DNAH1: variants seen among roughly 807,000 people sequenced by gnomAD.
The protein encoded by DNAH1 is axonemal beta dynein heavy chain 1.
A neutral mutation model predicts 484.3 loss-of-function variants in DNAH1; 327 were observed. The observed-to-expected ratio is 0.68, with a 90% CI of 0.62 to 0.74. The LOEUF is 0.74. Ranked by LOEUF, DNAH1 falls within the 30% of genes least tolerant of loss-of-function variation. DNAH1 has a pLI of 0.00. For missense variants in DNAH1, 5,052 were observed against 5,546.8 expected, an observed-to-expected ratio of 0.91 and a Z score of 2.83; for synonymous variants, 2,192 against 2,191.9, an observed-to-expected ratio of 1.00 and a Z score of 0.00.
intron 15 of DNAH1, 117 bp downstream of exon 15, chr3:52,350,225 T>A: frequency 7.0e-7 from 1 of 1,437,266 alleles, no homozygotes. Context: ...GGTAAGGTAG[T>A]TGGACAGAGG....
At chr3:52,378,845 C>A in intron 47 of DNAH1, 65 bp downstream of exon 47, 1 of 1,585,918 alleles carries the variant, frequency 6.3e-7, no homozygotes, top group Non-Finnish European at 8.6e-7. Flanking sequence ...CCAGCCCCAC[C>A]AATTTCAGGC....
Position 52,394,475 on chromosome 3 carries a change from G to T in DNAH1, c.10637G>T (p.Arg3546Leu), listed in dbSNP as rs201932960. The change falls in exon 67 of 78, where the codon CGA becomes CTA. Residue 3546 changes from arginine (R) to leucine (L), a missense_variant. Physicochemically the swap from Arg to Leu is moderately radical, Grantham distance 102 (BLOSUM62 -2). This residue lies in a region of DNAH1 where 2,929 missense variants were observed against 3,409.4 expected (regional missense o/e 0.86). Coordinates refer to ENST00000420323, the MANE Select transcript of DNAH1 (RefSeq NM_015512.5). The stretch of plus-strand genomic sequence containing the variant: ...CCTGTCCCCTGCCAGAGTGAGTGGC[G>T]ATACCTCCTGTCTGGGGGCTCCATC... ...NEGKINQSEW[R>L]YLLSGGSISI... is the part of the protein sequence containing the mutation. 1 of 1,613,946 alleles carries T rather than the reference G, an allele frequency of 6.2e-7. No homozygotes were observed. The highest frequency in any genetic ancestry group is 2.2e-5 in the East Asian group (1 of 44,890).
Position 52,389,530 on chromosome 3 carries a change from TC to T in DNAH1, c.9567del (p.Glu3190SerfsTer4), listed in dbSNP as rs755052606. On this transcript the variant is annotated frameshift_variant, in exon 60 of 78. Coordinates refer to ENST00000420323, the MANE Select transcript of DNAH1 (RefSeq NM_015512.5). LOFTEE classifies it high-confidence loss of function. ...QLRSHNVPHT[S>X]EPTLIGTLGN... ...CAGGAGCCACAATGTCCCACACACCTCCGAGCCCACGCTAATCGGGACGCTG... is the reference window on the plus strand; with the variant it reads ...CAGGAGCCACAATGTCCCACACACCTCGAGCCCACGCTAATCGGGACGCTG... The T allele has an allele frequency of 1.9e-6, 3 of 1,584,994 alleles. No individual in the cohort carries two copies. Among genetic ancestry groups the T allele is most frequent in the Non-Finnish European group, 2.6e-6 (3 of 1,166,018 alleles).
chr3:52,344,587 C>G lies in DNAH1; in HGVS notation c.1384C>G (p.Pro462Ala). 6.2e-7 allele frequency: 1 copy of G among 1,613,998 alleles called. No homozygotes were observed. The highest frequency in any genetic ancestry group is 8.5e-7 in the Non-Finnish European group (1 of 1,179,882). The change falls in exon 9 of 78, where the codon CCC becomes GCC. Residue 462 changes from proline to alanine, a missense_variant. Pro to Ala is a conservative substitution (Grantham distance 27). Transcript: ENST00000420323. ...INFDHVVSSKPETFSYVTLPK... is the reference protein window; with the variant it reads ...INFDHVVSSKAETFSYVTLPK... ...CTTTGACCACGTTGTCTCTTCCAAG[C>G]CCGAGACCTTCTCCTACGTCACCCT...
At chr3:52,369,583 C>G (rs1377490350) in intron 37 of DNAH1, among the ~76,000 whole-genome samples, 1 of 152,162 alleles carries the variant, frequency 6.6e-6, no homozygotes, top group African/African-American at 2.4e-5. Context: ...TGCTCTGACC[C>G]CAGTCTGGTC....
At position 52,328,065 on chromosome 3, in the gene DNAH1, C is replaced by T; in HGVS notation, c.871+51C>T. 1.9e-6 allele frequency: 3 copies of T among 1,595,324 alleles called. No individual in the cohort carries two copies. The East Asian group carries it at 6.8e-5, about 36-fold the overall frequency. On this transcript the variant is annotated intron_variant, in intron 6 of 77. Coordinates refer to ENST00000420323, the MANE Select transcript of DNAH1 (RefSeq NM_015512.5). ...GACACTATCTCATTCCAGTAGCAGC[C>T]CTGTCACAGACTCCTGGGCTCCCCT...
intron 21 of DNAH1, 24 bp from the exon 22 acceptor site, chr3:52,356,590 C>A (rs777136201): frequency 2.5e-6 from 4 of 1,611,516 alleles, no homozygotes; most frequent in Non-Finnish European, 3.4e-6. Context: ...ATATCACACC[C>A]CTCCCTGCCC....
intron 1 of DNAH1, among the ~76,000 whole-genome samples, chr3:52,320,010 C>T (rs556479594): frequency 5.9e-5 from 9 of 152,294 alleles, no homozygotes; most frequent in African/African-American, 1.4e-4. Context: ...CTGTTATCTC[C>T]GAAGATCCTT....
intron 8 of DNAH1, among the ~76,000 whole-genome samples, chr3:52,343,868 CGAGTGAGTGAGTGAGT>C (rs910934445): frequency 5.9e-5 from 9 of 152,026 alleles, no homozygotes; most frequent in Non-Finnish European, 1.2e-4. Context: ...AGTGAGTGAG[CGAGTGAGTGAGTGAGT>C]GAAATGGCCT....
At position 52,394,241 on chromosome 3, in the gene DNAH1, TGAG is replaced by T. The variant is rs144804963; in HGVS notation, c.10627-219_10627-217del. ...CCTTCTGATTCTTTCTACTCCCAAA[TGAG>T]GAGGCAGAGGCCCAGAGAAGTCACA... On this transcript the variant is annotated intron_variant, in intron 66 of 77. Transcript: ENST00000420323. Among the ~76,000 whole-genome samples the T allele has an allele frequency of 9.8e-3, 1,499 of 152,322 alleles. 23 individuals are homozygous for T. The highest frequency in any genetic ancestry group is 0.034 in the African/African-American group (1,416 of 41,578).
In DNAH1 at chr3:52,362,905, C is replaced by A; in HGVS notation, c.5095-90C>A. 1 of 1,564,562 alleles carries A rather than the reference C, an allele frequency of 6.4e-7. No individual in the cohort carries two copies. Among genetic ancestry groups the A allele is most frequent in the South Asian group, 1.2e-5 (1 of 86,286 alleles). Reference sequence around the variant, plus strand: ...GGCAGGCTTGGTGCAGCAGGGAGTCCCAGCGTGTTAGGGAGGAGGGCCGGA... The same window carrying A: ...GGCAGGCTTGGTGCAGCAGGGAGTCACAGCGTGTTAGGGAGGAGGGCCGGA... On this transcript the variant is annotated intron_variant, in intron 31 of 77. Coordinates refer to ENST00000420323, the MANE Select transcript of DNAH1 (RefSeq NM_015512.5). The surrounding 1 kb of genome is among the most constrained non-coding windows in gnomAD (Gnocchi z 5.1).
Position 52,398,858 on chromosome 3 carries a change from G to A in DNAH1, c.12098G>A (p.Arg4033Gln), listed in dbSNP as rs762927513. The change falls in exon 76 of 78, where the codon CGG becomes CAG. Residue 4033 changes from arginine (R) to glutamine (Q), a missense_variant. Physicochemically the swap from Arg to Gln is conservative, Grantham distance 43 (BLOSUM62 1). Around this residue, in one of 4 missense-constraint regions of DNAH1, gnomAD observed 853 missense variants for 899.0 expected, o/e 0.95. Coordinates refer to ENST00000420323, the MANE Select transcript of DNAH1 (RefSeq NM_015512.5). ...VLVQEVIRYN[R>Q]LLQVITQTLQ... ...TGCCACTGGCCTCACAGGTACAATCGGCTGCTGCAGGTGATCACACAGACA... is the reference window on the plus strand; with the variant it reads ...TGCCACTGGCCTCACAGGTACAATCAGCTGCTGCAGGTGATCACACAGACA... 1.4e-5 allele frequency: 22 copies of A among 1,542,352 alleles called. No individual in the cohort carries two copies. The highest frequency in any genetic ancestry group is 9.6e-5 in the African/African-American group (7 of 73,108).
chr3:52,324,306 G>A (rs147242400), intron 3 of DNAH1, among the ~76,000 whole-genome samples: 294 of 152,350 alleles, frequency 1.9e-3, no homozygotes, highest in Admixed American at 3.6e-3. Flanking sequence ...CCTGCTGAAG[G>A]AGGAAAGGGG....
At position 52,358,002 on chromosome 3, in the gene DNAH1, G is replaced by T. The variant is rs201355893; in HGVS notation, c.4085G>T (p.Arg1362Leu). Residue 1362 changes from arginine to leucine, a missense_variant and splice_region_variant, in exon 24 of 78, where the codon CGG becomes CTG. This residue lies in a region of DNAH1 where 2,929 missense variants were observed against 3,409.4 expected (regional missense o/e 0.86). Coordinates refer to ENST00000420323, the MANE Select transcript of DNAH1 (RefSeq NM_015512.5). This position sits in a 1 kb window ranked among gnomAD's most constrained non-coding sequence, Gnocchi z 4.2. Reference sequence around the variant, plus strand: ...CGCAAGTGCTTCGAGAACATCGCTCGGGTGGGCAGCTGGGCCCGGGGCTCA... The same window carrying T: ...CGCAAGTGCTTCGAGAACATCGCTCTGGTGGGCAGCTGGGCCCGGGGCTCA... ...HLRKCFENIARLLFQEDLEIT... is the reference protein window; with the variant it reads ...HLRKCFENIALLLFQEDLEIT... 2.4e-4 allele frequency: 380 copies of T among 1,601,442 alleles called. No homozygotes were observed. The highest frequency in any genetic ancestry group is 3.3e-4 in the Middle Eastern group (2 of 6,014).
rs891359870 is a variant in DNAH1 at position 52,361,952 on chromosome 3, G to A, written c.4980+186G>A. ...AGGCCAAGCTGCGGGGGATGAAGGG[G>A]TCCCCTCCTCATTACATCCTGACCT... On this transcript the variant is annotated intron_variant, in intron 30 of 77. Coordinates refer to ENST00000420323, the MANE Select transcript of DNAH1 (RefSeq NM_015512.5). This position sits in a 1 kb window ranked among gnomAD's most constrained non-coding sequence, Gnocchi z 5.6. Among the ~76,000 whole-genome samples, 1 of 152,222 alleles carries A rather than the reference G, an allele frequency of 6.6e-6. No homozygotes were observed. The highest frequency in any genetic ancestry group is 1.5e-5 in the Non-Finnish European group (1 of 68,034).
Position 52,395,914 on chromosome 3 carries a change from C to T in DNAH1, c.11259+236C>T, listed in dbSNP as rs534554080. On this transcript the variant is annotated intron_variant, in intron 70 of 77. Coordinates refer to ENST00000420323, the MANE Select transcript of DNAH1 (RefSeq NM_015512.5). The surrounding 1 kb of genome is among the most constrained non-coding windows in gnomAD (Gnocchi z 4.4). Reference sequence around the variant, plus strand: ...TTGTCCAGGGACACCCAGCACAGACCGTGACCTGGGACTTGCCAAAGCCCT... The same window carrying T: ...TTGTCCAGGGACACCCAGCACAGACTGTGACCTGGGACTTGCCAAAGCCCT... Among the ~76,000 whole-genome samples the T allele has an allele frequency of 3.2e-3, 489 of 151,700 alleles. 2 individuals are homozygous for T. Among genetic ancestry groups the T allele is most frequent in the Non-Finnish European group, 5.6e-3 (380 of 67,916 alleles).
chr3:52,349,514 C>T (rs1361353018), intron 14 of DNAH1, 94 bp downstream of exon 14: 1 of 1,249,610 alleles, frequency 8.0e-7, no homozygotes. Flanking sequence ...TGTCCCCAAG[C>T]AGGGTCTGGG....
chr3:52,381,926 C>T lies in DNAH1; in HGVS notation c.7805+90C>T, dbSNP rs1050443494. 5.1e-6 allele frequency: 7 copies of T among 1,375,744 alleles called. No individual in the cohort carries two copies. In the African/African-American group the frequency reaches 1.0e-4, roughly 20 times the overall value. 85.2% of individuals were successfully genotyped at this position (1,375,744 alleles called of 1,614,324 possible). On this transcript the variant is annotated intron_variant, in intron 49 of 77. Coordinates refer to ENST00000420323, the MANE Select transcript of DNAH1 (RefSeq NM_015512.5). This position sits in a 1 kb window ranked among gnomAD's most constrained non-coding sequence, Gnocchi z 4.1. Reference sequence around the variant, plus strand: ...CATGCTTTTGCACAGTGGTAGAGGCCTCGGGCAACCCTGAAGTAGGCCCGT... The same window carrying T: ...CATGCTTTTGCACAGTGGTAGAGGCTTCGGGCAACCCTGAAGTAGGCCCGT...
rs1703692687 is a variant in DNAH1 at position 52,378,340 on chromosome 3, C to T, written c.7199-262C>T. 2.0e-5 allele frequency among the ~76,000 whole-genome samples: 3 copies of T among 151,574 alleles called. 1 individual carries two copies. In the South Asian group the frequency reaches 6.3e-4, roughly 32 times the overall value. Reference sequence around the variant, plus strand: ...CGCCCAGCACTGACCCCACGAGCGCCCCCAGTTCCATGATGAGTCCCAGTG... The same window carrying T: ...CGCCCAGCACTGACCCCACGAGCGCTCCCAGTTCCATGATGAGTCCCAGTG... On this transcript the variant is annotated intron_variant, in intron 46 of 77. Transcript: ENST00000420323.
Sources: gnomAD v4.1 joint callset for allele counts (sites outside exome capture counted in the v4.1 genomes callset) on GRCh38, gnomAD v4.1.1 for gene constraint, gnomAD v4.1.1 regional missense constraint, Gnocchi (gnomAD v3.1) non-coding constraint, MANE v1.5 for transcripts, NCBI Gene and HGNC (gene_info 2026-07-23, HGNC 2026-07-21) for gene names.